HOOK3: variants seen among roughly 807,000 people sequenced by gnomAD.
HOOK3 encodes the protein hook microtubule tethering protein 3.
In HOOK3, 24 loss-of-function variants were observed where a neutral mutation model predicts 116.3. The ratio of observed to expected loss-of-function variants is 0.21; its 90% CI spans 0.15 to 0.29. The LOEUF is 0.29. Ranked by LOEUF, HOOK3 falls within the 10% of genes least tolerant of loss-of-function variation. The pLI is 1.00. For missense variants in HOOK3, 632 were observed against 830.2 expected, an observed-to-expected ratio of 0.76 and a Z score of 2.93; for synonymous variants, 275 against 283.0, an observed-to-expected ratio of 0.97 and a Z score of 0.28.
At chr8:42,921,306 A>G (rs1461821785) in intron 2 of HOOK3, among the ~76,000 whole-genome samples, 1 of 152,084 alleles carries the variant, frequency 6.6e-6, no homozygotes, top group Non-Finnish European at 1.5e-5. Context: ...GCTGCAGGGC[A>G]CCAGATTCAT....
chr8:42,972,139 G>C (rs940919998), intron 11 of HOOK3, among the ~76,000 whole-genome samples: 1 of 152,000 alleles, frequency 6.6e-6, no homozygotes, highest in Non-Finnish European at 1.5e-5. Flanking sequence ...GTTCGTTGTG[G>C]CATTTTCTTT....
intron 4 of HOOK3, among the ~76,000 whole-genome samples, chr8:42,933,849 C>G (rs73635370): frequency 0.048 from 7,231 of 152,184 alleles, 345 homozygotes; most frequent in African/African-American, 0.12. Context: ...ATGTGGACTC[C>G]CACTCCCTGT....
At chr8:42,950,361 G>T in intron 5 of HOOK3, 27 bp from the exon 6 acceptor site, 1 of 1,465,960 alleles carries the variant, frequency 6.8e-7, no homozygotes, top group South Asian at 1.2e-5. Context: ...CTTGAACAGT[G>T]ACATTCTAGA....
intron 11 of HOOK3, among the ~76,000 whole-genome samples, chr8:42,971,114 T>C (rs956111249): frequency 2.0e-5 from 3 of 151,692 alleles, no homozygotes; most frequent in South Asian, 2.1e-4. Context: ...TTCCATATCC[T>C]TTTTTTTCTT....
In HOOK3 at chr8:42,972,956, A is replaced by G. The variant is rs561202477; in HGVS notation, c.1123-333A>G. Among the ~76,000 whole-genome samples the G allele has an allele frequency of 3.9e-5, 6 of 152,304 alleles. No individual in the cohort carries two copies. The East Asian group carries it at 1.2e-3, about 29-fold the overall frequency. ...CCCTTATTTTCTTGTAAGCTTAGCT[A>G]TGCAATTAGAATCGCCCTGCCCCAC... On this transcript the variant is annotated intron_variant, in intron 11 of 21. Transcript: ENST00000307602.
In HOOK3 at chr8:42,943,614, G is replaced by T. The variant is rs556031229; in HGVS notation, c.400+169G>T. ...TAGTAATTTGTTTTTAAGCTTAAATGAATTTTGCACATTAAAATAAATTTG... is the reference window on the plus strand; with the variant it reads ...TAGTAATTTGTTTTTAAGCTTAAATTAATTTTGCACATTAAAATAAATTTG... On this transcript the variant is annotated intron_variant, in intron 5 of 21. Transcript: ENST00000307602. 1.8e-4 allele frequency among the ~76,000 whole-genome samples: 28 copies of T among 152,272 alleles called. No individual in the cohort carries two copies. The South Asian group carries it at 4.1e-3, about 23-fold the overall frequency.
At chr8:42,950,543 T>G (rs764840302) in intron 6 of HOOK3, 88 bp downstream of exon 6, 10 of 736,102 alleles carry the variant, frequency 1.4e-5, no homozygotes, top group Admixed American at 4.7e-5. Flanking sequence ...TTTTAAGAGA[T>G]TCTCCTCATT....
chr8:42,938,627 G>T (rs11995473), intron 4 of HOOK3, among the ~76,000 whole-genome samples: 1 of 151,838 alleles, frequency 6.6e-6, no homozygotes, highest in Non-Finnish European at 1.5e-5. Context: ...GTCTGTAAAG[G>T]GTTTTATTTC....
chr8:42,909,042 A>G (rs1367828145), intron 2 of HOOK3, among the ~76,000 whole-genome samples: 1 of 152,242 alleles, frequency 6.6e-6, no homozygotes, highest in Non-Finnish European at 1.5e-5. Context: ...CAGATGGTTA[A>G]CAGGCATATG....
chr8:42,930,422 A>T (rs2130364735), intron 4 of HOOK3, among the ~76,000 whole-genome samples: 2 of 152,182 alleles, frequency 1.3e-5, no homozygotes, highest in South Asian at 4.1e-4. Flanking sequence ...ACTTTATGTC[A>T]TCTATTAATT....
chr8:42,987,226 T>C (rs1232603760), intron 15 of HOOK3, among the ~76,000 whole-genome samples: 1 of 152,006 alleles, frequency 6.6e-6, no homozygotes, highest in African/African-American at 2.4e-5. Context: ...AAAATGGCCA[T>C]GTGCTGTTCT....
intron 6 of HOOK3, among the ~76,000 whole-genome samples, chr8:42,954,861 G>GT (rs1304763068): frequency 2.0e-5 from 3 of 152,200 alleles, no homozygotes; most frequent in Non-Finnish European, 4.4e-5. Flanking sequence ...AAAGGAAGGG[G>GT]TGGGCATGCC....
At chr8:42,928,509 TCAAATA>T (rs1807813733) in intron 3 of HOOK3, among the ~76,000 whole-genome samples, 1 of 152,172 alleles carries the variant, frequency 6.6e-6, no homozygotes, top group Non-Finnish European at 1.5e-5. Flanking sequence ...TTATGATGTT[TCAAATA>T]ATGCTACTGA....
At chr8:42,959,166 G>A in intron 7 of HOOK3, 65 bp from the exon 8 acceptor site, 4 of 1,055,478 alleles carry the variant, frequency 3.8e-6, no homozygotes, top group Non-Finnish European at 5.8e-6. Flanking sequence ...ATTCTGTGTT[G>A]AACATACGAA....
chr8:42,970,236 C>T (rs578174882), intron 11 of HOOK3, among the ~76,000 whole-genome samples: 4 of 152,262 alleles, frequency 2.6e-5, no homozygotes, highest in South Asian at 4.1e-4. Context: ...TCTAAAATAT[C>T]CATGTTGTAT....
chr8:42,934,622 C>G (rs914433999), intron 4 of HOOK3, among the ~76,000 whole-genome samples: 1 of 152,034 alleles, frequency 6.6e-6, no homozygotes, highest in Non-Finnish European at 1.5e-5. Flanking sequence ...AGTTCCCACC[C>G]ATGAGTGAGA....
chr8:42,988,645 A>G (rs997295777), intron 15 of HOOK3, among the ~76,000 whole-genome samples: 1 of 146,104 alleles, frequency 6.8e-6, no homozygotes, highest in South Asian at 2.1e-4. Flanking sequence ...ATAACAGGTA[A>G]TATTTACTAA....
rs185750349 is a variant in HOOK3, at chr8:42,929,456, T to G, written c.217-666T>G. On this transcript the variant is annotated intron_variant, in intron 3 of 21. Transcript: ENST00000307602. ...ACAGCTAGATCAATAAAATAATCAA[T>G]AGAACTATATCACATACCCATTTAA... 4.3e-3 allele frequency among the ~76,000 whole-genome samples: 659 copies of G among 152,206 alleles called. 7 individuals are homozygous for G. Among genetic ancestry groups the G allele is most frequent in the African/African-American group, 0.015 (641 of 41,536 alleles).
At chr8:43,003,918 C>G (rs965113042) in intron 17 of HOOK3, among the ~76,000 whole-genome samples, 11 of 152,188 alleles carry the variant, frequency 7.2e-5, no homozygotes, top group African/African-American at 2.7e-4. Flanking sequence ...GTGCCCTCAT[C>G]TTAGCTACTT....
Sources: allele counts gnomAD v4.1 joint callset (sites outside exome capture counted in the v4.1 genomes callset), GRCh38; gene constraint gnomAD v4.1.1; transcripts MANE v1.5; gene names NCBI Gene and HGNC (gene_info 2026-07-23, HGNC 2026-07-21).